AP1B1: variants seen among roughly 807,000 people sequenced by gnomAD.
AP1B1 encodes AP-1 complex subunit beta-1.
Under a neutral mutation model 104.3 loss-of-function variants are expected in AP1B1, and 36 were observed. The ratio of observed to expected loss-of-function variants is 0.35; its 90% CI spans 0.26 to 0.46. The LOEUF (loss-of-function observed/expected upper bound fraction) is 0.46. Among genes scored for constraint, AP1B1 ranks in the 20% least tolerant of loss-of-function variants. The pLI is 1.00. For synonymous variants in AP1B1, 504 were observed against 517.5 expected (o/e 0.97, Z 0.35); for missense variants, 901 against 1,247.9 (o/e 0.72, Z 4.19).
intron 7 of AP1B1, among the ~76,000 whole-genome samples, chr22:29,354,372 G>C (rs537856636): frequency 5.9e-4 from 90 of 152,228 alleles, no homozygotes; most frequent in African/African-American, 2.0e-3. Flanking sequence ...ACTGTGAGGG[G>C]CTATTCTGTG....
chr22:29,370,629 CAGGACGCA>C (rs2062219341), intron 1 of AP1B1: 2 of 152,064 alleles, frequency 1.3e-5, no homozygotes, highest in South Asian at 4.1e-4. Context: ...CCTAAATTCC[CAGGACGCA>C]ACCTGCTGGT....
At chr22:29,376,953 T>C (rs1163535626) in intron 1 of AP1B1, among the ~76,000 whole-genome samples, 1 of 152,092 alleles carries the variant, frequency 6.6e-6, no homozygotes, top group Non-Finnish European at 1.5e-5. Flanking sequence ...TCCAGCACTT[T>C]GGGAGGCCGA....
At chr22:29,342,435 G>C (rs1325572189) in intron 11 of AP1B1, 52 bp from the exon 12 acceptor site, 5 of 1,466,930 alleles carry the variant, frequency 3.4e-6, no homozygotes, top group African/African-American at 1.4e-5. Flanking sequence ...CATGGGGATA[G>C]AGGGAGAACA....
At chr22:29,350,974 C>T (rs1016963919) in intron 9 of AP1B1, among the ~76,000 whole-genome samples, 197 bp downstream of exon 9, 19 of 152,148 alleles carry the variant, frequency 1.2e-4, no homozygotes, top group Non-Finnish European at 2.4e-4. Context: ...GGCAGCAACT[C>T]GAAGGCCTAA....
intron 16 of AP1B1, among the ~76,000 whole-genome samples, chr22:29,338,485 A>C (rs928430173): frequency 5.9e-5 from 9 of 152,196 alleles, no homozygotes; most frequent in Middle Eastern, 3.4e-3. Context: ...TGATACATAC[A>C]CTTGTATTCT....
At chr22:29,341,453 G>T in intron 13 of AP1B1, 48 bp downstream of exon 13, 1 of 1,583,202 alleles carries the variant, frequency 6.3e-7, no homozygotes, top group South Asian at 1.1e-5. Context: ...CTGCTAAACT[G>T]GGGAAGCAGA....
rs2062015865 is a variant in AP1B1 at position 29,359,808 on chromosome 22, C to G, written c.279+16G>C. On this transcript the variant is annotated intron_variant, in intron 4 of 22. Transcript: ENST00000357586. ...TAAGCACCCAATGTCCCCACGCCCA[C>G]CAAGCGTCTGCTCACCTTCACAAAG... 6.2e-7 allele frequency: 1 copy of G among 1,609,540 alleles called. No homozygotes were observed. Among genetic ancestry groups the G allele is most frequent in the Non-Finnish European group, 8.5e-7 (1 of 1,177,440 alleles).
At chr22:29,373,022 C>T (rs907864716) in intron 1 of AP1B1, among the ~76,000 whole-genome samples, 1 of 152,194 alleles carries the variant, frequency 6.6e-6, no homozygotes, top group East Asian at 1.9e-4. Context: ...TTGTGGGTCA[C>T]ACCTGTGAAT....
At chr22:29,331,271 A>G (rs1048869795) in intron 19 of AP1B1, among the ~76,000 whole-genome samples, 178 bp downstream of exon 19, 10 of 152,052 alleles carry the variant, frequency 6.6e-5, no homozygotes, top group Non-Finnish European at 1.5e-5. Flanking sequence ...ACTGGCCACT[A>G]AGGCCGGGGG....
intron 11 of AP1B1, among the ~76,000 whole-genome samples, chr22:29,345,838 CCAT>C (rs1303569893): frequency 6.6e-6 from 1 of 152,160 alleles, no homozygotes; most frequent in African/African-American, 2.4e-5. Context: ...ACGCACACCA[CCAT>C]GCCTGGCTAA....
chr22:29,361,283 G>A (rs1334438579), intron 3 of AP1B1, among the ~76,000 whole-genome samples: 2 of 152,166 alleles, frequency 1.3e-5, no homozygotes, highest in Non-Finnish European at 1.5e-5. Context: ...CCTTTGCTTG[G>A]GGGGCGATCC....
intron 15 of AP1B1, 122 bp downstream of exon 15, chr22:29,339,632 G>C: frequency 9.4e-7 from 1 of 1,058,246 alleles, no homozygotes; most frequent in Admixed American, 2.2e-5. Flanking sequence ...GCTGGACCAA[G>C]GCAGGGGCTC....
Position 29,349,240 on chromosome 22 carries a change from C to T in AP1B1, c.1415G>A (p.Gly472Asp). The T allele has an allele frequency of 6.2e-7, 1 of 1,613,414 alleles. No homozygotes were observed. Among genetic ancestry groups the T allele is most frequent in the Non-Finnish European group, 8.5e-7 (1 of 1,180,034 alleles). Residue 472 changes from glycine to aspartate, a missense_variant, in exon 11 of 23, where the codon GGC becomes GAC. Physicochemically the swap from Gly to Asp is moderately conservative, Grantham distance 94 (BLOSUM62 -1). This residue lies in a region of AP1B1 where 471 missense variants were observed against 696.7 expected (regional missense o/e 0.68). Coordinates refer to ENST00000357586, the MANE Select transcript of AP1B1 (RefSeq NM_001127.4). ...CACCTGTGTGCTCTCGTCATGGAAG[C>T]CCTCGAGGAAGCTCTCCAGCAGCTC... ...ADELLESFLE[G>D]FHDESTQVQL...
chr22:29,340,928 G>A (rs1714979121), intron 13 of AP1B1, 71 bp from the exon 14 acceptor site: 2 of 1,462,792 alleles, frequency 1.4e-6, no homozygotes, highest in South Asian at 2.6e-5. Context: ...CCAGCCTCCA[G>A]GCAGAGCTGT....
At chr22:29,379,354 T>G (rs148013027) in intron 1 of AP1B1, among the ~76,000 whole-genome samples, 1 of 152,256 alleles carries the variant, frequency 6.6e-6, no homozygotes, top group African/African-American at 2.4e-5. Context: ...TCCTCTGGAC[T>G]TGAAAATAAA....
chr22:29,377,128 G>A (rs574903354), intron 1 of AP1B1, among the ~76,000 whole-genome samples: 4 of 150,732 alleles, frequency 2.7e-5, no homozygotes, highest in African/African-American at 4.9e-5. Flanking sequence ...CCTGGGAGGC[G>A]GGGGTTGCAG....
chr22:29,370,236 T>C (rs2062210430), intron 1 of AP1B1, among the ~76,000 whole-genome samples: 1 of 151,964 alleles, frequency 6.6e-6, no homozygotes, highest in Admixed American at 6.6e-5. Context: ...GCAGATTGCC[T>C]GAGCTCAGGA....
chr22:29,332,320 C>T (rs867200425), intron 17 of AP1B1: 1 of 164,092 alleles, frequency 6.1e-6, no homozygotes, highest in Non-Finnish European at 1.3e-5. Flanking sequence ...CAAGTCTCTG[C>T]TGCCAATCCT....
chr22:29,388,006 C>T (rs1036388995), intron 1 of AP1B1, among the ~76,000 whole-genome samples: 2 of 152,154 alleles, frequency 1.3e-5, no homozygotes, highest in Non-Finnish European at 2.9e-5. Context: ...GGCACGGGAC[C>T]GTTTTCTAGT....
Sources: gnomAD v4.1 joint callset for allele counts (sites outside exome capture counted in the v4.1 genomes callset) on GRCh38, gnomAD v4.1.1 for gene constraint, gnomAD v4.1.1 regional missense constraint, MANE v1.5 for transcripts, NCBI Gene and HGNC (gene_info 2026-07-23, HGNC 2026-07-21) for gene names.